Variants in PHF10 observed in about 807,000 individuals in gnomAD.
The protein encoded by PHF10 is PHD finger protein 10, also known as BRG1-associated factor 45a.
Under a neutral mutation model 68.5 loss-of-function variants are expected in PHF10, and 51 were observed. That is an observed-to-expected ratio of 0.74 (90% confidence interval 0.59 to 0.94). The LOEUF is 0.94. Among genes scored for constraint, PHF10 ranks in the 40% least tolerant of loss-of-function variants. PHF10 has a pLI of 0.00. For missense variants in PHF10, 460 were observed against 602.6 expected (o/e 0.76, Z 2.48); for synonymous variants, 204 against 203.5 (o/e 1.00, Z -0.02).
At chr6:169,715,368 T>C (rs566132134) in intron 6 of PHF10, among the ~76,000 whole-genome samples, 90 of 152,114 alleles carry the variant, frequency 5.9e-4, no homozygotes, top group African/African-American at 1.8e-3. Flanking sequence ...CACGCAGGTG[T>C]CAGCATGGCC....
In PHF10 at chr6:169,705,105, T is replaced by G. The variant is rs756940453; in HGVS notation, c.1411+28A>C. 8 of 1,549,932 alleles carry G rather than the reference T, an allele frequency of 5.2e-6. No homozygotes were observed. In the South Asian group the frequency reaches 9.8e-5, roughly 19 times the overall value. ...CTGGGAGAGTCTCATCACCCAAAGA[T>G]AATGTTTGCTCTTTTTTTAATCTTT... On this transcript the variant is annotated intron_variant, in intron 11 of 11. Coordinates refer to ENST00000339209, the MANE Select transcript of PHF10 (RefSeq NM_018288.4).
Position 169,721,061 on chromosome 6 carries a change from C to A in PHF10, c.138G>T (p.Arg46Ser). Reference sequence around the variant, plus strand: ...TAGAACTATCTCCTGAGCCCATTCGCCTCCTTTTGGATGGCTGGGTCCCAT... The same window carrying A: ...TAGAACTATCTCCTGAGCCCATTCGACTCCTTTTGGATGGCTGGGTCCCAT... ...SNDGTQPSKR[R>S]RMGSGDSSRS... Residue 46 changes from arginine (R) to serine (S), a missense_variant, in exon 2 of 12, where the codon AGG becomes AGT. Around this residue, in one of 3 missense-constraint regions of PHF10, gnomAD observed 93 missense variants for 82.4 expected, o/e 1.13. Coordinates refer to ENST00000339209, the MANE Select transcript of PHF10 (RefSeq NM_018288.4). The A allele has an allele frequency of 6.5e-7, 1 of 1,547,542 alleles. No individual in the cohort carries two copies. Among genetic ancestry groups the A allele is most frequent in the Non-Finnish European group, 8.7e-7 (1 of 1,145,002 alleles).
rs1243747586 is a variant in PHF10 at position 169,724,436 on chromosome 6, CCCTCAGCCCCGCGGCCG to C, written c.-522_-506del. Among the ~76,000 whole-genome samples the C allele has an allele frequency of 7.3e-4, 101 of 137,626 alleles. No individual in the cohort carries two copies. Among genetic ancestry groups the C allele is most frequent in the African/African-American group, 2.4e-3 (89 of 37,760 alleles). The allele number at this position is 137,626 out of a possible 152,430, so 90.3% of individuals were successfully genotyped here. A position where few individuals can be genotyped will look rare whatever the true frequency, so the allele number is the denominator to read the frequency against. The stretch of plus-strand genomic sequence containing the variant: ...GCCGCTCGCCTCAGCCCCGCCGCTC[CCCTCAGCCCCGCGGCCG>C]CCTCAGCCCCGCCGCCGCCTGGCTC... On this transcript the variant is annotated 5_prime_UTR_variant, in exon 1 of 12. Transcript: ENST00000339209.
chr6:169,714,373 C>T (rs1585302027), intron 7 of PHF10, among the ~76,000 whole-genome samples: 1 of 152,302 alleles, frequency 6.6e-6, no homozygotes, highest in South Asian at 2.1e-4. Flanking sequence ...GACTCTGAGT[C>T]ATAGGTCTAG....
intron 2 of PHF10, 131 bp downstream of exon 2, chr6:169,720,874 T>C (rs1053299800): frequency 5.1e-6 from 3 of 593,350 alleles, no homozygotes; most frequent in African/African-American, 1.9e-5. Context: ...TGATGGCACA[T>C]TATAGAACAG....
chr6:169,712,318 CAG>C (rs1585300773), intron 8 of PHF10, 66 bp downstream of exon 8: 1 of 1,346,164 alleles, frequency 7.4e-7, no homozygotes, highest in East Asian at 2.3e-5. Context: ...AGGGTGATGA[CAG>C]AAATTCAATG....
intron 4 of PHF10, among the ~76,000 whole-genome samples, chr6:169,716,596 C>A (rs903493168): frequency 6.6e-6 from 1 of 152,044 alleles, no homozygotes; most frequent in Non-Finnish European, 1.5e-5. Flanking sequence ...TGCTAAAATG[C>A]ATTCCCAAGA....
intron 2 of PHF10, among the ~76,000 whole-genome samples, chr6:169,720,398 C>A (rs1006163225): frequency 2.6e-5 from 4 of 152,084 alleles, no homozygotes; most frequent in African/African-American, 7.2e-5. Flanking sequence ...GGTGGAAACC[C>A]AAATGCCCAT....
At chr6:169,708,758 T>C (rs1788863208) in intron 9 of PHF10, 1 of 152,142 alleles carries the variant, frequency 6.6e-6, no homozygotes, top group African/African-American at 2.4e-5. Context: ...TTTTAACCCA[T>C]GATCAATCAA....
At chr6:169,722,393 T>A (rs759391289) in intron 1 of PHF10, among the ~76,000 whole-genome samples, 23 of 152,246 alleles carry the variant, frequency 1.5e-4, no homozygotes, top group Non-Finnish European at 2.8e-4. Context: ...ATTTTAAACA[T>A]TCCAGTATTT....
intron 9 of PHF10, among the ~76,000 whole-genome samples, chr6:169,706,875 A>C (rs1788812740): frequency 6.6e-6 from 1 of 152,032 alleles, no homozygotes; most frequent in Admixed American, 6.6e-5. Context: ...AATTTACTGA[A>C]CCAAAGAGGA....
chr6:169,710,172 G>A (rs1043491834), intron 9 of PHF10, 64 bp downstream of exon 9: 12 of 1,262,540 alleles, frequency 9.5e-6, no homozygotes, highest in Non-Finnish European at 1.2e-5. Context: ...TGAAAGTCAA[G>A]TTAAAATATT....
chr6:169,714,915 T>C (rs1789011064), intron 6 of PHF10, 73 bp from the exon 7 acceptor site: 1 of 809,224 alleles, frequency 1.2e-6, no homozygotes, highest in South Asian at 1.4e-5. Context: ...AGTCCCCACG[T>C]GCTCACCACT....
intron 8 of PHF10, among the ~76,000 whole-genome samples, chr6:169,711,728 T>C (rs1375664527): frequency 1.3e-5 from 2 of 152,214 alleles, no homozygotes; most frequent in Admixed American, 6.5e-5. Flanking sequence ...AAGGAAATAA[T>C]GTCCATTCAA....
chr6:169,721,239 G>A (rs1789170477), intron 1 of PHF10, 128 bp from the exon 2 acceptor site: 6 of 545,808 alleles, frequency 1.1e-5, no homozygotes, highest in East Asian at 2.9e-5. Context: ...TAATTAAAAG[G>A]GTCCAAGAGT....
intron 9 of PHF10, chr6:169,709,914 C>T (rs1378319782): frequency 1.2e-5 from 2 of 167,618 alleles, no homozygotes; most frequent in Non-Finnish European, 2.5e-5. Flanking sequence ...ATGATCTTTA[C>T]TCCAAGGAAA....
intron 4 of PHF10, among the ~76,000 whole-genome samples, chr6:169,716,392 A>G (rs1367779951): frequency 1.3e-5 from 2 of 152,078 alleles, no homozygotes; most frequent in Non-Finnish European, 2.9e-5. Context: ...TTAAATAATG[A>G]AATGCACTAA....
rs1328142959 is a variant in PHF10 at position 169,705,739 on chromosome 6, G to A, written c.1114-15C>T. On this transcript the variant is annotated splice_polypyrimidine_tract_variant and intron_variant, in intron 9 of 11. Coordinates refer to ENST00000339209, the MANE Select transcript of PHF10 (RefSeq NM_018288.4). ...ATGACCTTTGGCTGGAAGGGTAGAAGAGGGCTATAAATTCATGCCAGAAGA... is the reference window on the plus strand; with the variant it reads ...ATGACCTTTGGCTGGAAGGGTAGAAAAGGGCTATAAATTCATGCCAGAAGA... 4.8e-6 allele frequency: 6 copies of A among 1,238,762 alleles called. No homozygotes were observed. The African/African-American group carries it at 8.9e-5, about 18-fold the overall frequency. 76.7% of individuals were successfully genotyped at this position (1,238,762 alleles called of 1,614,324 possible).
intron 3 of PHF10, among the ~76,000 whole-genome samples, chr6:169,718,579 G>C (rs1304057471): frequency 1.3e-5 from 2 of 152,146 alleles, no homozygotes; most frequent in Non-Finnish European, 2.9e-5. Context: ...CTGAGGCAGG[G>C]AGACAGCTAG....
Sources: allele counts gnomAD v4.1 joint callset (sites outside exome capture counted in the v4.1 genomes callset), GRCh38; gene constraint gnomAD v4.1.1; regional missense constraint gnomAD v4.1.1; transcripts MANE v1.5; gene names NCBI Gene and HGNC (gene_info 2026-07-23, HGNC 2026-07-21).